The following CELF2 variants were observed in gnomAD, a reference collection of about 807,000 sequenced individuals.
CELF2 encodes CUGBP Elav-like family member 2.
CELF2 carries 8 observed loss-of-function variants against 62.6 expected under a neutral mutation model. That is an observed-to-expected ratio of 0.13 (90% CI 0.07 to 0.23). The LOEUF (loss-of-function observed/expected upper bound fraction) is 0.23. Ranked by LOEUF, CELF2 falls within the 10% of genes least tolerant of loss-of-function variation. The pLI, the probability that CELF2 is intolerant of heterozygous loss-of-function variation, is 1.00. For synonymous variants in CELF2, 258 were observed against 250.0 expected (o/e 1.03, Z -0.30); for missense variants, 333 against 671.0 (o/e 0.50, Z 5.56).
chr10:10,700,289 G>C, the CELF2 span, among the ~76,000 whole-genome samples: 2 of 152,168 alleles, frequency 1.3e-5, no homozygotes, highest in African/African-American at 4.8e-5. Context: ...AGAAAGGGAG[G>C]CCCAAGGCTG....
At position 10,947,232 on chromosome 10, in the gene CELF2, C is replaced by T. The variant is rs939485013; in HGVS notation, c.89+27233C>T. Reference sequence around the variant, plus strand: ...ACACTTACTCTAACCAGTCCTTCACCTGCTGCACAAAATCATACCTTTCCA... The same window carrying T: ...ACACTTACTCTAACCAGTCCTTCACTTGCTGCACAAAATCATACCTTTCCA... On this transcript the variant is annotated intron_variant, in intron 2 of 13. Transcript: ENST00000636488. This position sits in a 1 kb window ranked among gnomAD's most constrained non-coding sequence, Gnocchi z 4.1. 6.6e-6 allele frequency: 1 copy of T among 152,392 alleles called. No individual in the cohort carries two copies. 9.4% of individuals were successfully genotyped at this position (152,392 alleles called of 1,614,324 possible). A position where few individuals can be genotyped will look rare whatever the true frequency, so the allele number is the denominator to read the frequency against.
chr10:10,764,787 C>A, the CELF2 span, among the ~76,000 whole-genome samples: 1 of 152,150 alleles, frequency 6.6e-6, no homozygotes, highest in Non-Finnish European at 1.5e-5. Context: ...AGGTCTCCCC[C>A]ACTTTCTAGG....
chr10:10,601,005 G>A, the CELF2 span, among the ~76,000 whole-genome samples: 1 of 152,156 alleles, frequency 6.6e-6, no homozygotes, highest in Non-Finnish European at 1.5e-5. Flanking sequence ...CAAGGTCTGG[G>A]AAGACATCGT....
the CELF2 span, among the ~76,000 whole-genome samples, chr10:10,560,594 A>G: frequency 6.6e-6 from 1 of 152,212 alleles, no homozygotes; most frequent in Non-Finnish European, 1.5e-5. Context: ...TACAGCCACT[A>G]TGGAAAACAG....
chr10:11,050,721 C>T (rs1303339532), intron 1 of CELF2, among the ~76,000 whole-genome samples: 1 of 152,238 alleles, frequency 6.6e-6, no homozygotes, highest in Non-Finnish European at 1.5e-5. Flanking sequence ...TTCTCTCTGT[C>T]ACCAATCCCT....
chr10:10,462,615 C>CTTTTTTTTTTTTTTTTTTATT, the CELF2 span, among the ~76,000 whole-genome samples: 2 of 69,414 alleles, frequency 2.9e-5, no homozygotes, highest in Non-Finnish European at 5.1e-5. Context: ...TTTTTTTCAT[C>CTTTTTTTTTTTTTTTTTTATT]TTTTTTTTTT....
At chr10:10,826,866 G>A (rs1157235805) in intron 1 of CELF2, among the ~76,000 whole-genome samples, 1 of 152,214 alleles carries the variant, frequency 6.6e-6, no homozygotes, top group Non-Finnish European at 1.5e-5. Context: ...TTTCCATGTA[G>A]GGAGTGGCTA....
At chr10:11,193,294 G>T (rs1467806063) in intron 2 of CELF2, among the ~76,000 whole-genome samples, 1 of 152,190 alleles carries the variant, frequency 6.6e-6, no homozygotes, top group Admixed American at 6.5e-5. Flanking sequence ...AGAGGAGAAA[G>T]AGTGAAATTA....
chr10:10,774,924 G>A, the CELF2 span, among the ~76,000 whole-genome samples: 3 of 151,294 alleles, frequency 2.0e-5, no homozygotes, highest in African/African-American at 7.3e-5. Flanking sequence ...TGTCACCCAG[G>A]CTGGAGTGCA....
intron 9 of CELF2, among the ~76,000 whole-genome samples, chr10:11,304,262 G>C (rs533245348): frequency 6.6e-6 from 1 of 152,094 alleles, no homozygotes. Flanking sequence ...CATCTTCAGA[G>C]CCAGCAAGTC....
chr10:11,057,907 G>A (rs571801075), intron 1 of CELF2, among the ~76,000 whole-genome samples: 3 of 152,220 alleles, frequency 2.0e-5, no homozygotes, highest in African/African-American at 7.2e-5. Flanking sequence ...AGCAAGAGAA[G>A]TTCTACTTTC....
chr10:11,116,215 A>G (rs1313821445), intron 1 of CELF2, among the ~76,000 whole-genome samples: 1 of 152,224 alleles, frequency 6.6e-6, no homozygotes, highest in Non-Finnish European at 1.5e-5. Context: ...AGACTAAGCC[A>G]TCTACAGTTG....
intron 7 of CELF2, among the ~76,000 whole-genome samples, chr10:11,271,829 A>G (rs938048774): frequency 2.0e-5 from 3 of 152,020 alleles, no homozygotes; most frequent in African/African-American, 7.3e-5. Context: ...TTGTAGCAGA[A>G]GTTGTGCTTT....
Position 11,336,167 on chromosome 10 carries a change from C to T in CELF2, c.*7114C>T, listed in dbSNP as rs1054472188. ...CGGACTCTTAGCTGGCAGGCTAGGA[C>T]ACACAGTGAACATTAATGTACTGTG... On this transcript the variant is annotated 3_prime_UTR_variant, in exon 13 of 13. Transcript: ENST00000633077. The surrounding 1 kb of genome is among the most constrained non-coding windows in gnomAD (Gnocchi z 5.4). The T allele has an allele frequency of 1.3e-5, 2 of 152,664 alleles. No homozygotes were observed. The highest frequency in any genetic ancestry group is 3.8e-4 in the East Asian group (2 of 5,204). The allele number at this position is 152,664 out of a possible 1,614,324, so 9.5% of individuals were successfully genotyped here.
the CELF2 span, among the ~76,000 whole-genome samples, chr10:10,650,863 A>T: frequency 1.8e-4 from 28 of 152,034 alleles, no homozygotes; most frequent in Non-Finnish European, 3.4e-4. Flanking sequence ...TGGAGGGGGG[A>T]GGAGCCAAGA....
chr10:10,688,717 T>A, the CELF2 span, among the ~76,000 whole-genome samples: 4 of 151,306 alleles, frequency 2.6e-5, no homozygotes, highest in African/African-American at 9.7e-5. Flanking sequence ...TACTAGCCAG[T>A]TTTTTTTTGG....
the CELF2 span, among the ~76,000 whole-genome samples, chr10:10,762,273 A>C: frequency 6.6e-6 from 1 of 152,078 alleles, no homozygotes. Flanking sequence ...GGAAGAATGG[A>C]TGTCCACTCT....
At chr10:11,225,056 G>A (rs771310066) in intron 3 of CELF2, among the ~76,000 whole-genome samples, 4 of 152,134 alleles carry the variant, frequency 2.6e-5, no homozygotes, top group Non-Finnish European at 5.9e-5. Flanking sequence ...AATGGTCATA[G>A]CATACAGGTG....
At chr10:11,126,815 C>T (rs1213941944) in intron 1 of CELF2, among the ~76,000 whole-genome samples, 4 of 151,958 alleles carry the variant, frequency 2.6e-5, no homozygotes, top group African/African-American at 9.7e-5. Flanking sequence ...TGGTTTATTA[C>T]ATGCCCCTGG....
Sources: allele counts gnomAD v4.1 joint callset (sites outside exome capture counted in the v4.1 genomes callset), GRCh38; gene constraint gnomAD v4.1.1; non-coding constraint Gnocchi (gnomAD v3.1); transcripts MANE v1.5; gene names NCBI Gene and HGNC (gene_info 2026-07-23, HGNC 2026-07-21).